FLNB: variants seen among roughly 807,000 people sequenced by gnomAD.
FLNB encodes the protein filamin B, also known as filamin-B.
Under a neutral mutation model 250.6 loss-of-function variants are expected in FLNB, and 111 were observed. The observed-to-expected ratio is 0.44, with a 90% CI of 0.38 to 0.52. The LOEUF (loss-of-function observed/expected upper bound fraction) is 0.52, where lower values mean the gene tolerates loss of function less well. FLNB is among the 20% of genes least tolerant of loss of function. FLNB has a pLI of 0.00. For synonymous variants in FLNB, 1,302 were observed against 1,372.1 expected, an observed-to-expected ratio of 0.95 and a Z score of 1.13; for missense variants, 2,869 against 3,447.8, an observed-to-expected ratio of 0.83 and a Z score of 4.20.
intron 1 of FLNB, among the ~76,000 whole-genome samples, chr3:58,009,706 C>G (rs2097095671): frequency 6.6e-6 from 1 of 152,260 alleles, no homozygotes; most frequent in East Asian, 1.9e-4. Context: ...CCAAGGTCAG[C>G]AAGTAGGGCC....
At position 58,094,899 on chromosome 3, in the gene FLNB, C is replaced by G; in HGVS notation, c.851C>G (p.Ala284Gly). ...AAGTTCACTGTGGACACCATCAGCG[C>G]CGGGCAAGGAGACGTGATGGTGTTT... is the stretch of plus-strand genomic sequence containing the variant. Reference protein sequence around the residue: ...PAKFTVDTISAGQGDVMVFVE... With the variant: ...PAKFTVDTISGGQGDVMVFVE... Residue 284 changes from alanine (A) to glycine (G), a missense_variant, in exon 5 of 46, where the codon GCC becomes GGC. Ala to Gly is a moderately conservative substitution (Grantham distance 60). Transcript: ENST00000295956. 6.2e-7 allele frequency: 1 copy of G among 1,614,162 alleles called. No homozygotes were observed. The highest frequency in any genetic ancestry group is 8.5e-7 in the Non-Finnish European group (1 of 1,180,024).
intron 1 of FLNB, among the ~76,000 whole-genome samples, chr3:58,013,663 A>G (rs2097102048): frequency 6.6e-6 from 1 of 152,176 alleles, no homozygotes; most frequent in South Asian, 2.1e-4. Context: ...CATCTCTACT[A>G]AAAATACAAA....
chr3:58,035,505 A>G (rs191774337), intron 1 of FLNB, among the ~76,000 whole-genome samples: 11 of 152,272 alleles, frequency 7.2e-5, no homozygotes, highest in Middle Eastern at 3.4e-3. Flanking sequence ...CCCCACCCCC[A>G]ACTTTTTTAA....
rs2097341613 is a variant in FLNB, at chr3:58,149,700, T to G, written c.6092-150T>G. On this transcript the variant is annotated intron_variant, in intron 36 of 45. Coordinates refer to ENST00000295956, the MANE Select transcript of FLNB (RefSeq NM_001457.4). Reference sequence around the variant, plus strand: ...AGGACGCTTAACCTACTCATCCCCCTCTGGGCTTTGCAAACGAGGCCGCCA... The same window carrying G: ...AGGACGCTTAACCTACTCATCCCCCGCTGGGCTTTGCAAACGAGGCCGCCA... 10 of 939,580 alleles carry G rather than the reference T, an allele frequency of 1.1e-5. No individual in the cohort carries two copies. The South Asian group carries it at 1.3e-4, about 13-fold the overall frequency. 58.2% of individuals were successfully genotyped at this position (939,580 alleles called of 1,614,324 possible).
intron 43 of FLNB, chr3:58,163,538 C>T (rs771617803): frequency 7.5e-5 from 44 of 589,998 alleles, no homozygotes; most frequent in Admixed American, 1.5e-4. Flanking sequence ...GCTCGATGGC[C>T]GTGTTATCAC....
chr3:58,092,863 G>A (rs182979731), intron 4 of FLNB, among the ~76,000 whole-genome samples: 2 of 152,254 alleles, frequency 1.3e-5, no homozygotes, highest in East Asian at 3.9e-4. Flanking sequence ...CAAAATCTAT[G>A]GATTTCTGTC....
chr3:58,080,876 C>A (rs1403324949), intron 3 of FLNB, among the ~76,000 whole-genome samples: 1 of 151,588 alleles, frequency 6.6e-6, no homozygotes, highest in Non-Finnish European at 1.5e-5. Context: ...TCACTGAAAC[C>A]TCCACCTGCT....
chr3:58,039,969 ACT>A (rs1311753193), intron 1 of FLNB, among the ~76,000 whole-genome samples: 2 of 152,058 alleles, frequency 1.3e-5, no homozygotes, highest in African/African-American at 2.4e-5. Flanking sequence ...ACATGGTGAA[ACT>A]CTGTCTGTAC....
At chr3:58,087,466 T>G (rs2106999451) in intron 4 of FLNB, among the ~76,000 whole-genome samples, 1 of 152,222 alleles carries the variant, frequency 6.6e-6, no homozygotes, top group Non-Finnish European at 1.5e-5. Context: ...ATTCTTTTTT[T>G]TTTTTGAGAC....
chr3:58,169,267 A>T lies in FLNB; in HGVS notation c.7418-323A>T, dbSNP rs772047902. Reference sequence around the variant, plus strand: ...AAACTTTTACACTGCTTATACATAGACTATTTTATGTCAATAGAAAGATGT... The same window carrying T: ...AAACTTTTACACTGCTTATACATAGTCTATTTTATGTCAATAGAAAGATGT... On this transcript the variant is annotated intron_variant, in intron 44 of 45. Transcript: ENST00000295956. The surrounding 1 kb of genome is among the most constrained non-coding windows in gnomAD (Gnocchi z 4.8). 3.0e-4 allele frequency: 119 copies of T among 390,522 alleles called. No homozygotes were observed. Among genetic ancestry groups the T allele is most frequent in the Middle Eastern group, 2.4e-3 (3 of 1,236 alleles). 24.2% of individuals were successfully genotyped at this position (390,522 alleles called of 1,614,324 possible).
In FLNB at chr3:58,167,871, A is replaced by G. The variant is rs182171556; in HGVS notation, c.7199-569A>G. Among the ~76,000 whole-genome samples, 26 of 152,332 alleles carry G rather than the reference A, an allele frequency of 1.7e-4. No homozygotes were observed. In the East Asian group the frequency reaches 4.8e-3, roughly 28 times the overall value. ...GGGGTACGCATGCCCCGTCAGCGGG[A>G]GCTGCTGTTCTGTTCCTGTGCTTGT... On this transcript the variant is annotated intron_variant, in intron 43 of 45. Transcript: ENST00000295956.
intron 43 of FLNB, chr3:58,165,946 G>A (rs1288444962): frequency 1.3e-5 from 2 of 152,142 alleles, no homozygotes; most frequent in Non-Finnish European, 2.9e-5. Context: ...TATAGCTAGA[G>A]GCAGTGGTGA....
intron 44 of FLNB, 64 bp downstream of exon 44, chr3:58,168,722 C>A (rs2097375326): frequency 8.4e-7 from 1 of 1,193,000 alleles, no homozygotes; most frequent in East Asian, 2.3e-5. Flanking sequence ...TCAGATCAAT[C>A]ATAGTGGAAA....
intron 15 of FLNB, 98 bp downstream of exon 15, chr3:58,109,797 A>AG: frequency 6.5e-7 from 1 of 1,535,608 alleles, no homozygotes; most frequent in Non-Finnish European, 9.0e-7. Context: ...GAAGTAGTCC[A>AG]TCTGAATAGG....
At chr3:58,160,049 CA>C (rs1023726482) in intron 42 of FLNB, among the ~76,000 whole-genome samples, 1 of 151,378 alleles carries the variant, frequency 6.6e-6, no homozygotes, top group Non-Finnish European at 1.5e-5. Flanking sequence ...AGAAAAAAAA[CA>C]AAAAAACAAA....
rs17058879 is a variant in FLNB, at chr3:58,132,204, C to T, written c.4391-604C>T. The T allele has an allele frequency of 3.7e-3, 2,233 of 598,034 alleles. 50 individuals are homozygous for T. Among genetic ancestry groups the T allele is most frequent in the African/African-American group, 0.035 (1,906 of 53,910 alleles). 37.0% of individuals were successfully genotyped at this position (598,034 alleles called of 1,614,324 possible). A position where few individuals can be genotyped will look rare whatever the true frequency, so the allele number is the denominator to read the frequency against. On this transcript the variant is annotated intron_variant, in intron 25 of 45. Transcript: ENST00000295956. The stretch of plus-strand genomic sequence containing the variant: ...GGAAGCTGGGATCTGGACTCTGCAA[C>T]CCAACGCGTGCCTTGATTATGTTTT...
At chr3:58,094,586 C>T (rs559427915) in intron 4 of FLNB, among the ~76,000 whole-genome samples, 2 of 152,218 alleles carry the variant, frequency 1.3e-5, no homozygotes, top group Non-Finnish European at 2.9e-5. Flanking sequence ...CACATTATTT[C>T]CACAATTTTA....
intron 1 of FLNB, among the ~76,000 whole-genome samples, chr3:58,022,972 C>G (rs1448369140): frequency 6.6e-6 from 1 of 151,688 alleles, no homozygotes; most frequent in Non-Finnish European, 1.5e-5. Flanking sequence ...TGCATGCCAC[C>G]ACACCTGGCT....
At chr3:58,031,305 C>T (rs544265795) in intron 1 of FLNB, among the ~76,000 whole-genome samples, 40 of 152,002 alleles carry the variant, frequency 2.6e-4, no homozygotes, top group African/African-American at 8.9e-4. Context: ...TGCAGTGTTG[C>T]GATCTCGGCT....
Sources: gnomAD v4.1 joint callset for allele counts (sites outside exome capture counted in the v4.1 genomes callset) on GRCh38, gnomAD v4.1.1 for gene constraint, Gnocchi (gnomAD v3.1) non-coding constraint, MANE v1.5 for transcripts, NCBI Gene and HGNC (gene_info 2026-07-23, HGNC 2026-07-21) for gene names.